Variants in PLD5 observed in about 807,000 individuals in gnomAD.
PLD5 encodes the protein phospholipase D family member 5.
PLD5 carries 36 observed loss-of-function variants against 61.1 expected under a neutral mutation model. The observed-to-expected ratio is 0.59, with a 90% CI of 0.45 to 0.78. The LOEUF (loss-of-function observed/expected upper bound fraction) is 0.78. Among genes scored for constraint, PLD5 ranks in the 30% least tolerant of loss-of-function variants. The pLI is 0.00. For synonymous variants in PLD5, 243 were observed against 242.8 expected (o/e 1.00, Z -0.01); for missense variants, 515 against 644.4 (o/e 0.80, Z 2.17).
intron 6 of PLD5, among the ~76,000 whole-genome samples, chr1:242,118,567 T>C (rs1234579881): frequency 1.3e-5 from 2 of 152,222 alleles, no homozygotes; most frequent in African/African-American, 4.8e-5. Flanking sequence ...ATGGAACGAA[T>C]GTGAAAGTGC....
intron 5 of PLD5, among the ~76,000 whole-genome samples, chr1:242,205,017 G>A (rs316865): frequency 0.84 from 128,138 of 152,180 alleles, 54,208 homozygotes; most frequent in South Asian, 0.94. Flanking sequence ...TTGAATTTGG[G>A]GGGCTTTAAG....
intron 2 of PLD5, among the ~76,000 whole-genome samples, chr1:242,312,934 T>C (rs1676786045): frequency 6.6e-6 from 1 of 152,248 alleles, no homozygotes; most frequent in African/African-American, 2.4e-5. Context: ...CAGTCTCTTA[T>C]TTAACATTTC....
chr1:242,441,104 GC>G lies in PLD5; in HGVS notation c.189+82983del, dbSNP rs1180241511. On this transcript the variant is annotated intron_variant, in intron 1 of 9. Transcript: ENST00000536534. ...ATTAAGTTGAAAAAATCAGGACTAGGCAGAATGTATAATATTCACTGTTTGT... is the reference window on the plus strand; with the variant it reads ...ATTAAGTTGAAAAAATCAGGACTAGGAGAATGTATAATATTCACTGTTTGT... Among the ~76,000 whole-genome samples, 4 of 152,254 alleles carry G rather than the reference GC, an allele frequency of 2.6e-5. No homozygotes were observed. The East Asian group carries it at 7.7e-4, about 29-fold the overall frequency.
At chr1:242,307,371 A>ATGG in intron 2 of PLD5, among the ~76,000 whole-genome samples, 1 of 149,396 alleles carries the variant, frequency 6.7e-6, no homozygotes, top group East Asian at 2.0e-4. Flanking sequence ...GGTGATGATG[A>ATGG]TGATGATGAT....
chr1:242,401,400 A>G (rs1663924147), intron 1 of PLD5, among the ~76,000 whole-genome samples: 4 of 152,044 alleles, frequency 2.6e-5, no homozygotes, highest in Non-Finnish European at 5.9e-5. Flanking sequence ...CTGTAACAAG[A>G]AACAGGATCA....
chr1:242,302,291 A>G (rs533360783), intron 2 of PLD5, among the ~76,000 whole-genome samples: 2 of 152,312 alleles, frequency 1.3e-5, no homozygotes, highest in South Asian at 2.1e-4. Flanking sequence ...GTATGACTGC[A>G]TTTGCGTTCC....
At chr1:242,325,733 G>T (rs980269813) in intron 2 of PLD5, among the ~76,000 whole-genome samples, 1 of 151,952 alleles carries the variant, frequency 6.6e-6, no homozygotes, top group Non-Finnish European at 1.5e-5. Flanking sequence ...TTTTTTACCT[G>T]GAGTAATGAG....
intron 5 of PLD5, among the ~76,000 whole-genome samples, chr1:242,138,390 C>T (rs1663908144): frequency 6.6e-6 from 1 of 151,354 alleles, no homozygotes; most frequent in Admixed American, 6.6e-5. Flanking sequence ...GAAATAGCAC[C>T]AACATTCTGT....
chr1:242,253,525 G>A lies in PLD5; in HGVS notation c.607+11812C>T, dbSNP rs569775556. Among the ~76,000 whole-genome samples the A allele has an allele frequency of 7.4e-4, 112 of 151,764 alleles. 1 individual carries two copies. The highest frequency in any genetic ancestry group is 2.5e-3 in the African/African-American group (104 of 41,376). ...AGACGGGGTTTCACTGTGTTAGCCAGGATGGTCTCGATCTCCTGACCTCGT... is the reference window on the plus strand; with the variant it reads ...AGACGGGGTTTCACTGTGTTAGCCAAGATGGTCTCGATCTCCTGACCTCGT... On this transcript the variant is annotated intron_variant, in intron 4 of 9. Transcript: ENST00000536534.
intron 1 of PLD5, among the ~76,000 whole-genome samples, chr1:242,456,973 T>C (rs1666963329): frequency 6.6e-6 from 1 of 152,196 alleles, no homozygotes; most frequent in South Asian, 2.1e-4. Context: ...ATCTCTATGA[T>C]AAAACATGAC....
intron 1 of PLD5, among the ~76,000 whole-genome samples, chr1:242,486,231 A>C (rs1330005102): frequency 6.6e-6 from 1 of 152,132 alleles, no homozygotes; most frequent in African/African-American, 2.4e-5. Flanking sequence ...TAATTAAACT[A>C]AAGAGCTTCT....
At chr1:242,191,588 G>T (rs538753145) in intron 5 of PLD5, among the ~76,000 whole-genome samples, 1 of 150,828 alleles carries the variant, frequency 6.6e-6, no homozygotes, top group Admixed American at 6.6e-5. Context: ...GCTGTCTCGA[G>T]AAAAAAGAAA....
At chr1:242,349,283 G>T (rs762395019) in intron 1 of PLD5, among the ~76,000 whole-genome samples, 72 of 152,176 alleles carry the variant, frequency 4.7e-4, no homozygotes, top group Non-Finnish European at 7.9e-4. Context: ...CTTCTAGGTA[G>T]CGGGCTTCAG....
At chr1:242,270,284 C>T (rs1673978095) in intron 3 of PLD5, among the ~76,000 whole-genome samples, 1 of 150,722 alleles carries the variant, frequency 6.6e-6, no homozygotes, top group East Asian at 1.9e-4. Context: ...ATAATGAGAA[C>T]CTTCAGGATA....
Position 242,394,328 on chromosome 1 carries a change from A to G in PLD5, c.190-46086T>C, listed in dbSNP as rs1411916900. 5.3e-5 allele frequency among the ~76,000 whole-genome samples: 5 copies of G among 93,800 alleles called. 2 individuals carry two copies. Among genetic ancestry groups the G allele is most frequent in the African/African-American group, 2.2e-4 (5 of 22,666 alleles). 61.5% of individuals were successfully genotyped at this position (93,800 alleles called of 152,430 possible). A position where few individuals can be genotyped will look rare whatever the true frequency, so the allele number is the denominator to read the frequency against. On this transcript the variant is annotated intron_variant, in intron 1 of 9. Coordinates refer to ENST00000536534, the MANE Select transcript of PLD5 (RefSeq NM_001372062.1). The stretch of plus-strand genomic sequence containing the variant: ...AGTATATATGTGTGTATATATGAGT[A>G]TATATGTGTGTATATATGAGTATAT...
At chr1:242,206,243 T>C (rs1398435937) in intron 5 of PLD5, among the ~76,000 whole-genome samples, 4 of 152,202 alleles carry the variant, frequency 2.6e-5, no homozygotes, top group Non-Finnish European at 4.4e-5. Context: ...GGCTCTTCTC[T>C]CAGTTGGCCC....
intron 1 of PLD5, among the ~76,000 whole-genome samples, chr1:242,403,656 CAG>C (rs534041433): frequency 4.8e-4 from 73 of 151,756 alleles, no homozygotes; most frequent in African/African-American, 1.6e-3. Context: ...TTTTTAGAGA[CAG>C]AGTTTCACCA....
intron 2 of PLD5, among the ~76,000 whole-genome samples, chr1:242,329,757 T>A (rs1250332726): frequency 1.3e-5 from 2 of 152,176 alleles, no homozygotes; most frequent in Non-Finnish European, 2.9e-5. Flanking sequence ...GTTCTCTAGG[T>A]GATTGCAATG....
In PLD5 at chr1:242,248,206, C is replaced by T. The variant is rs115576468; in HGVS notation, c.607+17131G>A. 8.6e-3 allele frequency among the ~76,000 whole-genome samples: 1,308 copies of T among 152,296 alleles called. 10 individuals carry two copies. Among genetic ancestry groups the T allele is most frequent in the African/African-American group, 0.03 (1,246 of 41,550 alleles). On this transcript the variant is annotated intron_variant, in intron 4 of 9. Transcript: ENST00000536534. ...AGGAAGGCAAGTCCTTTTAAATTAT[C>T]AGGCTGGGGAAGGCATGAAAACGAG...
Sources: allele counts gnomAD v4.1 joint callset (sites outside exome capture counted in the v4.1 genomes callset), GRCh38; gene constraint gnomAD v4.1.1; transcripts MANE v1.5; gene names NCBI Gene and HGNC (gene_info 2026-07-23, HGNC 2026-07-21).